Variants in MYRFL observed in about 807,000 individuals in gnomAD.
MYRFL encodes myelin regulatory factor like.
MYRFL carries 88 observed loss-of-function variants against 109.4 expected under a neutral mutation model. The ratio of observed to expected loss-of-function variants is 0.80; its 90% CI spans 0.68 to 0.96. The LOEUF (loss-of-function observed/expected upper bound fraction) is 0.96. Ranked by LOEUF, MYRFL falls within the 40% of genes least tolerant of loss-of-function variation. The probability of loss-of-function intolerance (pLI) is 0.00; values close to 1 mark genes in which losing one functional copy is unlikely to be tolerated. For missense variants in MYRFL, 957 were observed against 954.9 expected (o/e 1.00, Z -0.03); for synonymous variants, 324 against 320.9 (o/e 1.01, Z -0.10).
intron 19 of MYRFL, among the ~76,000 whole-genome samples, chr12:69,945,067 C>T (rs954610481): frequency 6.6e-6 from 1 of 151,854 alleles, no homozygotes; most frequent in South Asian, 2.1e-4. Flanking sequence ...CTTTGTACAG[C>T]TGTACAATGT....
chr12:69,937,806 T>C (rs1048515276), intron 19 of MYRFL, among the ~76,000 whole-genome samples: 4 of 152,244 alleles, frequency 2.6e-5, no homozygotes, highest in Non-Finnish European at 4.4e-5. Context: ...CCTTTCCCTT[T>C]TGACATTATT....
At chr12:69,828,568 G>A (rs950054210) in intron 1 of MYRFL, among the ~76,000 whole-genome samples, 1 of 151,992 alleles carries the variant, frequency 6.6e-6, no homozygotes, top group Non-Finnish European at 1.5e-5. Context: ...AAACTTTAAC[G>A]TTTGCAAAGT....
chr12:69,930,113 C>G (rs1955223894), intron 15 of MYRFL, among the ~76,000 whole-genome samples: 1 of 152,180 alleles, frequency 6.6e-6, no homozygotes, highest in African/African-American at 2.4e-5. Flanking sequence ...CATGCCACGA[C>G]TCATCTCCTA....
intron 1 of MYRFL, among the ~76,000 whole-genome samples, chr12:69,833,184 T>C (rs1477949853): frequency 6.6e-6 from 1 of 150,762 alleles, no homozygotes; most frequent in Non-Finnish European, 1.5e-5. Context: ...CCAAGAAGAG[T>C]ACAGATAGAG....
chr12:69,851,100 A>G (rs1883851534), intron 1 of MYRFL, among the ~76,000 whole-genome samples: 1 of 152,210 alleles, frequency 6.6e-6, no homozygotes. Context: ...GAATTTAACC[A>G]TAAGATAATA....
chr12:69,887,513 A>G (rs1257549830), intron 6 of MYRFL, among the ~76,000 whole-genome samples: 2 of 152,196 alleles, frequency 1.3e-5, no homozygotes, highest in African/African-American at 4.8e-5. Context: ...GCTTCACCCA[A>G]TTTTTATGAC....
chr12:69,866,675 C>T (rs1885035719), intron 2 of MYRFL, among the ~76,000 whole-genome samples: 1 of 152,152 alleles, frequency 6.6e-6, no homozygotes, highest in Non-Finnish European at 1.5e-5. Context: ...ATCTCAAAAA[C>T]CTAAGAGACC....
chr12:69,916,852 C>G (rs1179531090), intron 13 of MYRFL, among the ~76,000 whole-genome samples: 1 of 152,088 alleles, frequency 6.6e-6, no homozygotes, highest in Non-Finnish European at 1.5e-5. Flanking sequence ...TAAGCTGGGC[C>G]CTTTCAGAAT....
Position 69,825,239 on chromosome 12 carries a change from G to C in MYRFL, c.-279G>C, listed in dbSNP as rs868833513. The stretch of plus-strand genomic sequence containing the variant: ...AAAGACGAAAAGCAGAGTAGAAACA[G>C]TTCCTTATATTAAGACAGATGAATT... On this transcript the variant is annotated 5_prime_UTR_variant, in exon 1 of 25. Coordinates refer to ENST00000552032, the MANE Select transcript of MYRFL (RefSeq NM_182530.3). The C allele has an allele frequency of 5.4e-5, 32 of 595,550 alleles. No individual in the cohort carries two copies. Among genetic ancestry groups the C allele is most frequent in the African/African-American group, 5.2e-4 (28 of 53,572 alleles). 36.9% of individuals were successfully genotyped at this position (595,550 alleles called of 1,614,324 possible).
At chr12:69,861,943 A>T (rs1349389353) in intron 2 of MYRFL, among the ~76,000 whole-genome samples, 4 of 151,608 alleles carry the variant, frequency 2.6e-5, no homozygotes, top group Admixed American at 2.0e-4. Flanking sequence ...TAAGGAAGGG[A>T]TCCAGTTTCA....
In MYRFL at chr12:69,886,948, T is replaced by C; in HGVS notation, c.685T>C (p.Leu229=). 1 of 1,535,868 alleles carries C rather than the reference T, an allele frequency of 6.5e-7. No individual in the cohort carries two copies. The highest frequency in any genetic ancestry group is 8.7e-7 in the Non-Finnish European group (1 of 1,146,696). Residue 229 remains leucine (L), a synonymous_variant, in exon 6 of 25, where the codon TTA becomes CTA. Coordinates refer to ENST00000552032, the MANE Select transcript of MYRFL (RefSeq NM_182530.3). ...PCHSVPWHSL[L]NSHYEKLPDV... ...CCATAGTGTTCCTTGGCACAGCTTA[T>C]TAAACAGTCATTATGAAAAACTGTA...
chr12:69,884,242 C>A (rs1291053289), intron 5 of MYRFL, among the ~76,000 whole-genome samples: 2 of 152,174 alleles, frequency 1.3e-5, no homozygotes, highest in East Asian at 3.8e-4. Flanking sequence ...ACCTGTGGTG[C>A]AGAAAGCACT....
At chr12:69,891,226 A>G (rs1388958188) in intron 7 of MYRFL, 60 bp downstream of exon 7, 5 of 1,234,918 alleles carry the variant, frequency 4.0e-6, no homozygotes, top group Non-Finnish European at 5.3e-6. Context: ...TCAGTTGTCT[A>G]TTGCTGCATG....
chr12:69,946,155 C>T (rs945806431), intron 19 of MYRFL, among the ~76,000 whole-genome samples: 1 of 151,816 alleles, frequency 6.6e-6, no homozygotes, highest in African/African-American at 2.4e-5. Flanking sequence ...TGAGTGTCTG[C>T]TCATCTTGTT....
chr12:69,887,168 A>C (rs918588084), intron 6 of MYRFL, among the ~76,000 whole-genome samples, 198 bp downstream of exon 6: 1 of 152,232 alleles, frequency 6.6e-6, no homozygotes, highest in Admixed American at 6.5e-5. Flanking sequence ...TCAGAAAGCC[A>C]GACTTATAGT....
chr12:69,865,674 G>A (rs927367825), intron 2 of MYRFL, among the ~76,000 whole-genome samples: 2 of 152,116 alleles, frequency 1.3e-5, no homozygotes, highest in African/African-American at 4.8e-5. Context: ...ATTGTGTTCT[G>A]AGCTACCTGG....
intron 2 of MYRFL, among the ~76,000 whole-genome samples, chr12:69,857,183 G>T (rs1174014607): frequency 6.6e-6 from 1 of 151,822 alleles, no homozygotes; most frequent in Admixed American, 6.6e-5. Context: ...CAAAATATAT[G>T]TGGGTCTATT....
chr12:69,958,587 G>A lies in MYRFL; in HGVS notation c.*56G>A. 1 of 1,253,352 alleles carries A rather than the reference G, an allele frequency of 8.0e-7. No homozygotes were observed. The highest frequency in any genetic ancestry group is 1.4e-5 in the South Asian group (1 of 72,632). The allele number at this position is 1,253,352 out of a possible 1,614,324, so 77.6% of individuals were successfully genotyped here. A position where few individuals can be genotyped will look rare whatever the true frequency, so the allele number is the denominator to read the frequency against. On this transcript the variant is annotated 3_prime_UTR_variant, in exon 25 of 25. Transcript: ENST00000552032. ...AAAATACTCAGGAATACATTTAACAGAAACGAACATCCTCTTGCAACTTCT... is the reference window on the plus strand; with the variant it reads ...AAAATACTCAGGAATACATTTAACAAAAACGAACATCCTCTTGCAACTTCT...
intron 2 of MYRFL, among the ~76,000 whole-genome samples, chr12:69,868,919 T>C (rs897909845): frequency 5.3e-5 from 8 of 150,626 alleles, no homozygotes; most frequent in Admixed American, 2.0e-4. Context: ...CACACACACA[T>C]GTACTCACAC....
Sources: gnomAD v4.1 joint callset for allele counts (sites outside exome capture counted in the v4.1 genomes callset) on GRCh38, gnomAD v4.1.1 for gene constraint, MANE v1.5 for transcripts, NCBI Gene and HGNC (gene_info 2026-07-23, HGNC 2026-07-21) for gene names.